Variants in FGFR2 observed in about 807,000 individuals in gnomAD.
FGFR2 encodes the protein fibroblast growth factor receptor 2, also known as BEK fibroblast growth factor receptor.
A neutral mutation model predicts 95.9 loss-of-function variants in FGFR2; 19 were observed. The observed-to-expected ratio is 0.20, with a 90% CI of 0.14 to 0.29. The LOEUF (loss-of-function observed/expected upper bound fraction) is 0.29, where lower values mean the gene tolerates loss of function less well. Ranked by LOEUF, FGFR2 falls within the 10% of genes least tolerant of loss-of-function variation. FGFR2 has a pLI of 1.00. For synonymous variants in FGFR2, 392 were observed against 393.3 expected (o/e 1.00, Z 0.04); for missense variants, 707 against 1,056.9 (o/e 0.67, Z 4.59).
At chr10:121,525,480 A>G (rs2134399300) in intron 6 of FGFR2, among the ~76,000 whole-genome samples, 1 of 152,226 alleles carries the variant, frequency 6.6e-6, no homozygotes, top group African/African-American at 2.4e-5. Flanking sequence ...TGTCCACTCT[A>G]CTAAAGCAGA....
rs895332471 is a variant in FGFR2 at position 121,583,816 on chromosome 10, T to A, written c.109+9893A>T. ...GGGAAATTTTTCTTACACCAACACA[T>A]TCACCCAAAGACCTGGGCCCACACT... On this transcript the variant is annotated intron_variant, in intron 2 of 17. Transcript: ENST00000358487. Among the ~76,000 whole-genome samples the A allele has an allele frequency of 2.0e-5, 3 of 151,694 alleles. No individual in the cohort carries two copies. In the South Asian group the frequency reaches 6.2e-4, roughly 31 times the overall value.
intron 6 of FGFR2, 64 bp downstream of exon 6, chr10:121,538,528 T>C: frequency 1.2e-6 from 2 of 1,612,432 alleles, no homozygotes; most frequent in Non-Finnish European, 1.7e-6. Context: ...ACGTTCATGC[T>C]TTCAAACGAG....
At chr10:121,526,691 T>C (rs764953972) in intron 6 of FGFR2, 11 of 398,478 alleles carry the variant, frequency 2.8e-5, no homozygotes, top group African/African-American at 4.1e-5. Context: ...CCTCCTAGAA[T>C]AGATGAGTGG....
chr10:121,522,086 G>A (rs116102874), intron 6 of FGFR2, among the ~76,000 whole-genome samples: 2,054 of 152,274 alleles, frequency 0.013, 43 homozygotes, highest in African/African-American at 0.045. Context: ...TAAATTCATC[G>A]CATTCATAAA....
chr10:121,535,586 CAAT>C (rs1408666525), intron 6 of FGFR2, among the ~76,000 whole-genome samples: 2 of 152,278 alleles, frequency 1.3e-5, no homozygotes, highest in East Asian at 3.9e-4. Flanking sequence ...TGGTACCACT[CAAT>C]GATGAACGAT....
At chr10:121,556,941 C>T (rs7072818) in intron 4 of FGFR2, among the ~76,000 whole-genome samples, 11,116 of 152,232 alleles carry the variant, frequency 0.073, 1,394 homozygotes, top group African/African-American at 0.25. Context: ...CACTACCCTG[C>T]AGTTCTGCTT....
At chr10:121,572,990 C>G (rs1320895341) in intron 2 of FGFR2, among the ~76,000 whole-genome samples, 1 of 152,258 alleles carries the variant, frequency 6.6e-6, no homozygotes. Flanking sequence ...CTGCACACAT[C>G]CAGCTGGACT....
At chr10:121,524,101 TACACACACACACACACACACACACAC>T (rs61527395) in intron 6 of FGFR2, among the ~76,000 whole-genome samples, 17 of 89,208 alleles carry the variant, frequency 1.9e-4, no homozygotes, top group African/African-American at 6.1e-4. Flanking sequence ...CGGCTATGTA[TACACACACACACACACACACACACAC>T]ACACACACAC....
intron 4 of FGFR2, 91 bp from the exon 5 acceptor site, chr10:121,551,550 A>T (rs765904983): frequency 8.5e-7 from 1 of 1,172,968 alleles, no homozygotes; most frequent in Non-Finnish European, 1.2e-6. Context: ...TTCGCTTTGC[A>T]TGTAAATGCT....
intron 6 of FGFR2, among the ~76,000 whole-genome samples, chr10:121,528,756 C>T (rs760684350): frequency 3.3e-5 from 5 of 152,158 alleles, no homozygotes; most frequent in Admixed American, 6.5e-5. Flanking sequence ...AGAGAAACTT[C>T]AAAATAGTCA....
At chr10:121,537,249 T>C (rs1852977064) in intron 6 of FGFR2, among the ~76,000 whole-genome samples, 1 of 152,178 alleles carries the variant, frequency 6.6e-6, no homozygotes, top group Admixed American at 6.5e-5. Context: ...AGAACAAAAC[T>C]CAAATCTTCG....
chr10:121,597,281 C>T (rs1319693071), intron 1 of FGFR2, among the ~76,000 whole-genome samples: 1 of 152,232 alleles, frequency 6.6e-6, no homozygotes, highest in African/African-American at 2.4e-5. Context: ...TAGAACTCGC[C>T]TGCGCTTTCG....
chr10:121,513,567 T>C (rs1317771725), intron 9 of FGFR2, among the ~76,000 whole-genome samples: 1 of 152,164 alleles, frequency 6.6e-6, no homozygotes, highest in Admixed American at 6.5e-5. Flanking sequence ...TTTTCCCTAT[T>C]AGAAAAAAAA....
chr10:121,590,852 CAA>C (rs988420740), intron 2 of FGFR2, among the ~76,000 whole-genome samples: 2 of 152,108 alleles, frequency 1.3e-5, no homozygotes, highest in African/African-American at 2.4e-5. Flanking sequence ...ATTAGCAAAC[CAA>C]AAAGTCTTAC....
rs755059517 is a variant in FGFR2 at position 121,479,292 on chromosome 10, C to T, written c.*565G>A. 3 of 248,760 alleles carry T rather than the reference C, an allele frequency of 1.2e-5. No individual in the cohort carries two copies. The highest frequency in any genetic ancestry group is 1.5e-5 in the Non-Finnish European group (2 of 129,722). 15.4% of individuals were successfully genotyped at this position (248,760 alleles called of 1,614,324 possible). ...CCCTGAAAGCAAAAGTATTTTTCCACCTCTGCTCGGTGAAAATTAAGAAAT... is the reference window on the plus strand; with the variant it reads ...CCCTGAAAGCAAAAGTATTTTTCCATCTCTGCTCGGTGAAAATTAAGAAAT... On this transcript the variant is annotated 3_prime_UTR_variant, in exon 18 of 18. Transcript: ENST00000358487.
chr10:121,523,572 C>G (rs1001714926), intron 6 of FGFR2, among the ~76,000 whole-genome samples: 1 of 152,178 alleles, frequency 6.6e-6, no homozygotes, highest in Non-Finnish European at 1.5e-5. Context: ...TGGGCTAGAT[C>G]CTGCCAGACA....
At chr10:121,525,855 CAGA>C (rs1290613428) in intron 6 of FGFR2, among the ~76,000 whole-genome samples, 1 of 152,090 alleles carries the variant, frequency 6.6e-6, no homozygotes, top group Non-Finnish European at 1.5e-5. Context: ...TCCCGGGGAT[CAGA>C]AGGAGAACCA....
intron 13 of FGFR2, among the ~76,000 whole-genome samples, chr10:121,494,789 T>C (rs1846561655): frequency 6.6e-6 from 1 of 152,134 alleles, no homozygotes. Flanking sequence ...TCACTGATAC[T>C]TCACAAATCT....
chr10:121,551,113 G>C lies in FGFR2; in HGVS notation c.624+177C>G, dbSNP rs780916594. Reference sequence around the variant, plus strand: ...CACACACCTGTAGTCCCAGCTACTCGGGAGGCTGAGGCAGGAGAATCGCTT... The same window carrying C: ...CACACACCTGTAGTCCCAGCTACTCCGGAGGCTGAGGCAGGAGAATCGCTT... On this transcript the variant is annotated intron_variant, in intron 5 of 17. Transcript: ENST00000358487. Among the ~76,000 whole-genome samples the C allele has an allele frequency of 3.9e-5, 6 of 152,116 alleles. No individual in the cohort carries two copies. The East Asian group carries it at 9.7e-4, about 25-fold the overall frequency.
Sources: allele counts gnomAD v4.1 joint callset (sites outside exome capture counted in the v4.1 genomes callset), GRCh38; gene constraint gnomAD v4.1.1; transcripts MANE v1.5; gene names NCBI Gene and HGNC (gene_info 2026-07-23, HGNC 2026-07-21).